CNTNAP3B: variants seen among roughly 807,000 people sequenced by gnomAD.
The protein encoded by CNTNAP3B is contactin-associated protein-like 3B.
CNTNAP3B carries 25 observed loss-of-function variants against 108.9 expected under a neutral mutation model. That is an observed-to-expected ratio of 0.23 (90% CI 0.17 to 0.32). The LOEUF (loss-of-function observed/expected upper bound fraction) is 0.32. Ranked by LOEUF, CNTNAP3B falls within the 10% of genes least tolerant of loss-of-function variation. CNTNAP3B has a pLI of 1.00. For synonymous variants in CNTNAP3B, 103 were observed against 473.4 expected, an observed-to-expected ratio of 0.22 and a Z score of 10.16; for missense variants, 252 against 1,210.4, an observed-to-expected ratio of 0.21 and a Z score of 11.75.
intron 13 of CNTNAP3B, among the ~76,000 whole-genome samples, chr9:41,952,289 T>G (rs536909114): frequency 6.6e-6 from 1 of 152,316 alleles, no homozygotes; most frequent in South Asian, 2.1e-4. Context: ...TTTTGTTTTT[T>G]TAAGACAAGG....
intron 12 of CNTNAP3B, 26 bp from the exon 13 acceptor site, chr9:41,953,412 G>A (rs1263745247): frequency 5.9e-6 from 9 of 1,519,332 alleles, no homozygotes; most frequent in East Asian, 2.4e-5. Flanking sequence ...CAAAGGAGAG[G>A]CATCACTGGG....
Position 41,934,122 on chromosome 9 carries a change from T to TATATATATATATATATATACACACAC in CNTNAP3B, c.2237+4121_2237+4122insGTGTGTGTATATATATATATATATAT, listed in dbSNP as rs1214326050. Among the ~76,000 whole-genome samples the TATATATATATATATATATACACACAC allele has an allele frequency of 3.0e-4, 22 of 73,364 alleles. 1 individual carries two copies. Among genetic ancestry groups the TATATATATATATATATATACACACAC allele is most frequent in the Admixed American group, 5.7e-4 (4 of 6,966 alleles). The allele number at this position is 73,364 out of a possible 152,430, so 48.1% of individuals were successfully genotyped here. ...TTACATATATATATATATATATATA[T>TATATATATATATATATATACACACAC]ACACACACATATATATATACACACA... On this transcript the variant is annotated intron_variant, in intron 14 of 23. Coordinates refer to ENST00000377561, the MANE Select transcript of CNTNAP3B (RefSeq NM_001201380.3).
At chr9:41,933,763 A>G (rs1824052660) in intron 14 of CNTNAP3B, among the ~76,000 whole-genome samples, 1 of 152,260 alleles carries the variant, frequency 6.6e-6, no homozygotes, top group South Asian at 2.1e-4. Flanking sequence ...CATCTATTTT[A>G]TTTCCTCTTG....
intron 3 of CNTNAP3B, among the ~76,000 whole-genome samples, chr9:42,034,311 C>G (rs1826583042): frequency 9.3e-6 from 1 of 107,280 alleles, no homozygotes; most frequent in Non-Finnish European, 1.9e-5. Flanking sequence ...GCACCTCTCT[C>G]CAGGAAAGAG....
Position 41,969,986 on chromosome 9 carries a change from A to G in CNTNAP3B, c.1649+88T>C, listed in dbSNP as rs1298959299. 8 of 1,319,554 alleles carry G rather than the reference A, an allele frequency of 6.1e-6. No homozygotes were observed. In the Middle Eastern group the frequency reaches 1.1e-3, roughly 179 times the overall value. 81.7% of individuals were successfully genotyped at this position (1,319,554 alleles called of 1,614,324 possible). ...TCGAAAGATAACAACAACGAAAAAG[A>G]GAACGGAATGCCTTTTTCCAGCTCT... On this transcript the variant is annotated intron_variant, in intron 10 of 23. Transcript: ENST00000377561.
At chr9:41,938,908 G>T (rs1033790708) in intron 13 of CNTNAP3B, among the ~76,000 whole-genome samples, 2 of 152,196 alleles carry the variant, frequency 1.3e-5, no homozygotes, top group African/African-American at 4.8e-5. Flanking sequence ...TGTTTTTATT[G>T]CATTGGATGT....
intron 14 of CNTNAP3B, among the ~76,000 whole-genome samples, chr9:41,931,158 T>G (rs1823967022): frequency 6.6e-6 from 1 of 152,296 alleles, no homozygotes; most frequent in Non-Finnish European, 1.5e-5. Flanking sequence ...CACTTTTGTA[T>G]TTTCAGAATA....
At chr9:41,934,472 C>T (rs558413123) in intron 14 of CNTNAP3B, among the ~76,000 whole-genome samples, 9 of 152,372 alleles carry the variant, frequency 5.9e-5, no homozygotes, top group South Asian at 4.1e-4. Context: ...CTGCCCGCCT[C>T]GGCCTCCCAA....
chr9:41,930,494 G>A (rs1823946061), intron 14 of CNTNAP3B, among the ~76,000 whole-genome samples: 3 of 152,276 alleles, frequency 2.0e-5, no homozygotes, highest in South Asian at 4.1e-4. Flanking sequence ...AGTGAGCCAT[G>A]TGTGCAACAC....
chr9:41,959,511 T>TC (rs752783277), intron 12 of CNTNAP3B, among the ~76,000 whole-genome samples: 56 of 152,290 alleles, frequency 3.7e-4, no homozygotes, highest in South Asian at 1.0e-3. Context: ...ACAACCAAGG[T>TC]CCTTCCTGGT....
chr9:42,124,613 C>A (rs1483012811), intron 1 of CNTNAP3B, among the ~76,000 whole-genome samples: 1 of 126,554 alleles, frequency 7.9e-6, no homozygotes, highest in African/African-American at 3.3e-5. Flanking sequence ...TAGGGACAAG[C>A]AACCTTTCAG....
intron 13 of CNTNAP3B, among the ~76,000 whole-genome samples, chr9:41,939,257 G>A (rs575047189): frequency 7.9e-4 from 120 of 152,348 alleles, no homozygotes; most frequent in African/African-American, 2.6e-3. Flanking sequence ...ACAAGTTGCA[G>A]TCATCACAGA....
In CNTNAP3B at chr9:41,923,920, T is replaced by G. The variant is rs1588041802; in HGVS notation, c.2536+3A>C. 1 of 1,612,126 alleles carries G rather than the reference T, an allele frequency of 6.2e-7. No individual in the cohort carries two copies. Among genetic ancestry groups the G allele is most frequent in the African/African-American group, 1.3e-5 (1 of 75,014 alleles). On this transcript the variant is annotated splice_donor_region_variant and intron_variant, in intron 16 of 23. Coordinates refer to ENST00000377561, the MANE Select transcript of CNTNAP3B (RefSeq NM_001201380.3). ...TGTGACTTGTCCAGAGTGGCCAGCC[T>G]ACCCCGCAGCTCAATCCTGATGAAG...
intron 10 of CNTNAP3B, among the ~76,000 whole-genome samples, chr9:41,967,384 C>G (rs564937006): frequency 6.6e-6 from 1 of 151,466 alleles, no homozygotes; most frequent in Admixed American, 6.6e-5. Context: ...CCATATAAGA[C>G]GTGTCTTGTT....
chr9:42,067,255 A>C (rs1409357028), intron 3 of CNTNAP3B, among the ~76,000 whole-genome samples: 7 of 148,128 alleles, frequency 4.7e-5, no homozygotes, highest in African/African-American at 1.8e-4. Flanking sequence ...CCTTATATAT[A>C]AATTTAAATT....
At chr9:41,919,556 C>G in intron 18 of CNTNAP3B, among the ~76,000 whole-genome samples, 1 of 152,312 alleles carries the variant, frequency 6.6e-6, no homozygotes, top group African/African-American at 2.4e-5. Flanking sequence ...TTCTTTTCCC[C>G]TTCTAGTTAG....
At chr9:41,939,896 C>T (rs1824281658) in intron 13 of CNTNAP3B, among the ~76,000 whole-genome samples, 1 of 151,668 alleles carries the variant, frequency 6.6e-6, no homozygotes, top group Admixed American at 6.6e-5. Flanking sequence ...GGAAATAATA[C>T]AGAAGACAAC....
At chr9:41,969,178 A>G (rs1342939475) in intron 10 of CNTNAP3B, among the ~76,000 whole-genome samples, 6 of 152,050 alleles carry the variant, frequency 3.9e-5, no homozygotes, top group Non-Finnish European at 5.9e-5. Context: ...GGCAAATTGT[A>G]TGTAGAAATA....
At position 42,126,726 on chromosome 9, in the gene CNTNAP3B, C is replaced by T. The variant is rs1323246223; in HGVS notation, c.85+2284G>A. Among the ~76,000 whole-genome samples, 13 of 135,936 alleles carry T rather than the reference C, an allele frequency of 9.6e-5. 1 individual carries two copies. Among genetic ancestry groups the T allele is most frequent in the Non-Finnish European group, 1.7e-4 (11 of 63,918 alleles). 89.2% of individuals were successfully genotyped at this position (135,936 alleles called of 152,430 possible). ...CTGGAATTACAGATGCCTGCCACCA[C>T]GCCCGGCTAATTTTTGTATTTTTAG... is the stretch of plus-strand genomic sequence containing the variant. On this transcript the variant is annotated intron_variant, in intron 1 of 23. Transcript: ENST00000377561.
Sources: allele counts gnomAD v4.1 joint callset (sites outside exome capture counted in the v4.1 genomes callset), GRCh38; gene constraint gnomAD v4.1.1; transcripts MANE v1.5; gene names NCBI Gene and HGNC (gene_info 2026-07-23, HGNC 2026-07-21).